Variants in CCDC178 observed in about 807,000 individuals in gnomAD.
CCDC178 encodes coiled-coil domain containing 178, also known as coiled-coil domain-containing protein 178.
A neutral mutation model predicts 117.4 loss-of-function variants in CCDC178; 126 were observed. That is an observed-to-expected ratio of 1.07 (90% CI 0.93 to 1.24). CCDC178 has a LOEUF of 1.24. CCDC178 is among the 50% of genes most tolerant of loss of function. The probability of loss-of-function intolerance (pLI) is 0.00; values close to 1 mark genes in which losing one functional copy is unlikely to be tolerated. For synonymous variants in CCDC178, 283 were observed against 313.4 expected (o/e 0.90, Z 1.02); for missense variants, 1,030 against 986.9 (o/e 1.04, Z -0.59).
chr18:33,063,678 G>C (rs1022310162), intron 21 of CCDC178, among the ~76,000 whole-genome samples: 4 of 152,058 alleles, frequency 2.6e-5, no homozygotes, highest in Admixed American at 6.5e-5. Flanking sequence ...GCTACTGCTG[G>C]CACTCTAGGC....
At chr18:33,235,636 G>C (rs760477236) in intron 15 of CCDC178, among the ~76,000 whole-genome samples, 4 of 152,068 alleles carry the variant, frequency 2.6e-5, no homozygotes, top group Non-Finnish European at 5.9e-5. Flanking sequence ...AGAGTGACCT[G>C]ATGTTCTCAC....
chr18:33,034,921 T>A (rs1287847047), intron 21 of CCDC178, among the ~76,000 whole-genome samples: 1 of 152,070 alleles, frequency 6.6e-6, no homozygotes, highest in African/African-American at 2.4e-5. Flanking sequence ...CAATATAATA[T>A]AAAGTACATT....
At chr18:33,216,503 CA>C (rs959821297) in intron 18 of CCDC178, among the ~76,000 whole-genome samples, 1 of 152,016 alleles carries the variant, frequency 6.6e-6, no homozygotes, top group African/African-American at 2.4e-5. Flanking sequence ...TCCCCACATT[CA>C]GCATGGCTGC....
At chr18:33,235,159 ATTAG>A (rs2059412821) in intron 15 of CCDC178, among the ~76,000 whole-genome samples, 1 of 152,164 alleles carries the variant, frequency 6.6e-6, no homozygotes, top group Non-Finnish European at 1.5e-5. Flanking sequence ...ACAGTTTGAG[ATTAG>A]TTAAAATATC....
intron 2 of CCDC178, among the ~76,000 whole-genome samples, chr18:33,425,559 T>G (rs1220438484): frequency 2.0e-5 from 3 of 152,228 alleles, no homozygotes; most frequent in African/African-American, 7.2e-5. Context: ...AGAAGCTGAC[T>G]CTTTCTTACA....
intron 11 of CCDC178, among the ~76,000 whole-genome samples, chr18:33,321,665 A>C (rs1397267362): frequency 1.3e-5 from 2 of 152,054 alleles, no homozygotes; most frequent in African/African-American, 4.8e-5. Flanking sequence ...AGGATTTCCT[A>C]CTAAAAGAAT....
At chr18:33,397,685 A>T (rs767281948) in intron 3 of CCDC178, among the ~76,000 whole-genome samples, 1 of 152,200 alleles carries the variant, frequency 6.6e-6, no homozygotes, top group African/African-American at 2.4e-5. Context: ...TCATAACTGC[A>T]TCTCTAGAAA....
chr18:33,010,992 C>T (rs1008809872), intron 21 of CCDC178, among the ~76,000 whole-genome samples: 1 of 152,068 alleles, frequency 6.6e-6, no homozygotes, highest in African/African-American at 2.4e-5. Flanking sequence ...ACAGCTATTC[C>T]CCCAAATTAT....
chr18:33,141,745 T>A (rs971077556), intron 20 of CCDC178, among the ~76,000 whole-genome samples: 1 of 152,188 alleles, frequency 6.6e-6, no homozygotes, highest in African/African-American at 2.4e-5. Context: ...CTTCTTCTTT[T>A]CCTAGATTAA....
intron 20 of CCDC178, among the ~76,000 whole-genome samples, chr18:33,179,336 T>C (rs2058707715): frequency 1.3e-5 from 2 of 151,136 alleles, no homozygotes; most frequent in East Asian, 3.9e-4. Flanking sequence ...TAGATCTGGG[T>C]TTATTGACAA....
intron 20 of CCDC178, among the ~76,000 whole-genome samples, chr18:33,113,847 A>C (rs577954667): frequency 6.6e-6 from 1 of 152,198 alleles, no homozygotes; most frequent in South Asian, 2.1e-4. Context: ...GGGCTTGTTA[A>C]AAGAATGCTT....
intron 11 of CCDC178, among the ~76,000 whole-genome samples, chr18:33,313,973 G>A (rs2144964333): frequency 6.6e-6 from 1 of 151,848 alleles, no homozygotes; most frequent in South Asian, 2.1e-4. Flanking sequence ...GGCCGAGGCG[G>A]GCGGATCACG....
intron 21 of CCDC178, among the ~76,000 whole-genome samples, chr18:33,008,883 C>G (rs182227273): frequency 1.8e-4 from 27 of 152,164 alleles, no homozygotes; most frequent in Non-Finnish European, 3.1e-4. Context: ...ACCTGTTTAT[C>G]AACAAACTAC....
At chr18:33,045,214 C>T (rs2056620768) in intron 21 of CCDC178, among the ~76,000 whole-genome samples, 1 of 152,048 alleles carries the variant, frequency 6.6e-6, no homozygotes, top group Non-Finnish European at 1.5e-5. Context: ...AAATGTATTG[C>T]ATAGAGTCCC....
chr18:32,952,566 A>G (rs2054510053), intron 22 of CCDC178, among the ~76,000 whole-genome samples: 1 of 151,736 alleles, frequency 6.6e-6, no homozygotes, highest in Non-Finnish European at 1.5e-5. Context: ...TCCATTAATC[A>G]TTTTTCCCTC....
intron 5 of CCDC178, among the ~76,000 whole-genome samples, chr18:33,370,639 G>A (rs1391056706): frequency 6.6e-6 from 1 of 151,836 alleles, no homozygotes. Flanking sequence ...ATGCATTGAA[G>A]TTCTTCCTTA....
intron 5 of CCDC178, among the ~76,000 whole-genome samples, chr18:33,385,205 G>T (rs9807117): frequency 6.6e-6 from 1 of 152,062 alleles, no homozygotes; most frequent in Non-Finnish European, 1.5e-5. Context: ...GGAGCACTGA[G>T]ATTCATAAAA....
intron 21 of CCDC178, among the ~76,000 whole-genome samples, chr18:33,085,171 G>T (rs1423771294): frequency 6.6e-6 from 1 of 152,090 alleles, no homozygotes; most frequent in Non-Finnish European, 1.5e-5. Context: ...AAGAAATGAA[G>T]GACACATATT....
chr18:33,147,603 T>C (rs908887731), intron 20 of CCDC178, among the ~76,000 whole-genome samples: 1 of 151,748 alleles, frequency 6.6e-6, no homozygotes, highest in Admixed American at 6.6e-5. Flanking sequence ...AGCATCTGTT[T>C]AACAAAGCAC....
Sources: allele counts gnomAD v4.1 joint callset (sites outside exome capture counted in the v4.1 genomes callset), GRCh38; gene constraint gnomAD v4.1.1; transcripts MANE v1.5; gene names NCBI Gene and HGNC (gene_info 2026-07-23, HGNC 2026-07-21).